Variants in VEZT observed in about 807,000 individuals in gnomAD.
VEZT encodes the protein vezatin.
VEZT carries 39 observed loss-of-function variants against 79.9 expected under a neutral mutation model. That is an observed-to-expected ratio of 0.49 (90% confidence interval 0.38 to 0.64). The LOEUF is 0.64. Ranked by LOEUF, VEZT falls within the 30% of genes least tolerant of loss-of-function variation. The probability of loss-of-function intolerance (pLI) is 0.00; values close to 1 mark genes in which losing one functional copy is unlikely to be tolerated. For synonymous variants in VEZT, 325 were observed against 327.6 expected, an observed-to-expected ratio of 0.99 and a Z score of 0.09; for missense variants, 837 against 893.1, an observed-to-expected ratio of 0.94 and a Z score of 0.80.
In VEZT at chr12:95,296,190, C is replaced by T. The variant is rs1315217097; in HGVS notation, c.1763C>T (p.Ser588Phe). ...ESKRVLQELK[S>F]VLGFKASEAE... ...AAGAGGGTGCTCCAAGAATTAAAAT[C>T]TGTGCTGGGATTTAAAGCTTCAGAG... Residue 588 changes from serine to phenylalanine, a missense_variant, in exon 11 of 12, where the codon TCT becomes TTT. Physicochemically the swap from Ser to Phe is radical, Grantham distance 155. Coordinates refer to ENST00000436874, the MANE Select transcript of VEZT (RefSeq NM_017599.4). 1.9e-6 allele frequency: 3 copies of T among 1,585,660 alleles called. No homozygotes were observed. The highest frequency in any genetic ancestry group is 2.3e-5 in the South Asian group (2 of 86,502).
intron 1 of VEZT, among the ~76,000 whole-genome samples, chr12:95,249,628 A>C (rs1000468950): frequency 6.6e-5 from 10 of 152,226 alleles, no homozygotes; most frequent in Non-Finnish European, 1.2e-4. Flanking sequence ...CTACCAGTCC[A>C]GCAGATTCCC....
In VEZT at chr12:95,300,600, A is replaced by G. The variant is rs1566370873; in HGVS notation, c.2267A>G (p.Gln756Arg). The G allele has an allele frequency of 6.2e-7, 1 of 1,612,924 alleles. No individual in the cohort carries two copies. Among genetic ancestry groups the G allele is most frequent in the East Asian group, 2.2e-5 (1 of 44,860 alleles). ...AGATCTCTCTCCTTTACCACCATGC[A>G]GGAACAGACTTTTGGTGGTGAGGAG... ...AARSLSFTTMQEQTFGGEEEE... is the reference protein window; with the variant it reads ...AARSLSFTTMREQTFGGEEEE... Residue 756 changes from glutamine (Q) to arginine (R), a missense_variant, in exon 12 of 12, where the codon CAG (glutamine) becomes CGG (arginine). Gln to Arg is a conservative substitution (Grantham distance 43, BLOSUM62 1). Coordinates refer to ENST00000436874, the MANE Select transcript of VEZT (RefSeq NM_017599.4).
intron 1 of VEZT, among the ~76,000 whole-genome samples, chr12:95,248,187 A>G (rs529268080): frequency 2.6e-5 from 4 of 152,338 alleles, no homozygotes. Context: ...GGTGTGCCAC[A>G]CCTTTAACAA....
rs769277815 is a variant in VEZT, at chr12:95,287,713, A to G, written c.1378A>G (p.Thr460Ala). Residue 460 changes from threonine (T) to alanine (A), a missense_variant, in exon 9 of 12, where the codon ACA becomes GCA. By Grantham distance (58) the Thr-to-Ala change is moderately conservative (BLOSUM62 0). Transcript: ENST00000436874. ...ELEKLVCTKE[T>A]QELVSEAYPI... ...TGAAAAGCTTGTTTGTACTAAAGAA[A>G]CACAAGAACTAGTGTCAGAGGCTTA... is the stretch of plus-strand genomic sequence containing the variant. 2.5e-6 allele frequency: 4 copies of G among 1,594,760 alleles called. No homozygotes were observed. The highest frequency in any genetic ancestry group is 3.5e-5 in the Admixed American group (2 of 57,544).
intron 1 of VEZT, chr12:95,244,065 A>G (rs920109427): frequency 3.3e-5 from 14 of 427,220 alleles, no homozygotes; most frequent in Non-Finnish European, 5.5e-5. Flanking sequence ...ATAGCAACAC[A>G]AAACAGACTA....
intron 1 of VEZT, among the ~76,000 whole-genome samples, chr12:95,228,650 A>G (rs939810382): frequency 6.6e-6 from 1 of 152,182 alleles, no homozygotes. Context: ...TATAATAGGA[A>G]TAATATTTAT....
At chr12:95,218,187 G>C (rs1469612043) in intron 1 of VEZT, 3 of 279,298 alleles carry the variant, frequency 1.1e-5, no homozygotes, top group African/African-American at 2.2e-5. Context: ...TGTGCGGCGG[G>C]GGGGACTGCG....
At chr12:95,253,724 TATAA>T (rs1482309293) in intron 2 of VEZT, among the ~76,000 whole-genome samples, 1 of 152,220 alleles carries the variant, frequency 6.6e-6, no homozygotes, top group Non-Finnish European at 1.5e-5. Context: ...GTTGCTAGTT[TATAA>T]ATAAGTCAAG....
intron 9 of VEZT, among the ~76,000 whole-genome samples, chr12:95,290,138 T>C (rs1390062488): frequency 6.6e-6 from 1 of 152,210 alleles, no homozygotes; most frequent in Non-Finnish European, 1.5e-5. Context: ...TGTCTAGACC[T>C]AGATTGTGCA....
intron 1 of VEZT, chr12:95,243,952 C>T (rs1478153424): frequency 2.2e-6 from 1 of 456,088 alleles, no homozygotes; most frequent in Non-Finnish European, 4.4e-6. Context: ...CAGCAGAGCC[C>T]TTGCTAGAAG....
intron 1 of VEZT, among the ~76,000 whole-genome samples, chr12:95,234,911 C>T (rs886783008): frequency 1.3e-5 from 2 of 150,570 alleles, no homozygotes; most frequent in Non-Finnish European, 3.0e-5. Flanking sequence ...CATCTTGCAC[C>T]GCCCTTAATC....
intron 6 of VEZT, among the ~76,000 whole-genome samples, chr12:95,270,476 TA>T (rs1010076050): frequency 1.3e-5 from 2 of 152,228 alleles, no homozygotes; most frequent in African/African-American, 4.8e-5. Flanking sequence ...CTGGCTTTGC[TA>T]GGTCTGACAT....
chr12:95,287,533 G>T (rs1024977517), intron 8 of VEZT, 131 bp from the exon 9 acceptor site: 2 of 789,372 alleles, frequency 2.5e-6, no homozygotes, highest in Non-Finnish European at 3.7e-6. Context: ...GAACTCCTGA[G>T]CTCAAGCCAT....
intron 1 of VEZT, chr12:95,231,271 C>T (rs761140569): frequency 2.0e-5 from 3 of 152,120 alleles, no homozygotes; most frequent in Non-Finnish European, 4.4e-5. Flanking sequence ...TTTAAAACTC[C>T]AGTATTCCTA....
chr12:95,280,218 C>G (rs2068698799), intron 7 of VEZT, among the ~76,000 whole-genome samples: 2 of 152,142 alleles, frequency 1.3e-5, no homozygotes, highest in South Asian at 4.1e-4. Context: ...TGCTTCTGCT[C>G]AGAACCCTTC....
chr12:95,289,899 T>C (rs2072274669), intron 9 of VEZT, among the ~76,000 whole-genome samples: 1 of 152,246 alleles, frequency 6.6e-6, no homozygotes, highest in East Asian at 1.9e-4. Context: ...TCTGTATGTG[T>C]GTGTAATTCT....
chr12:95,292,647 C>T (rs1372366635), intron 9 of VEZT, among the ~76,000 whole-genome samples: 1 of 150,776 alleles, frequency 6.6e-6, no homozygotes. Context: ...CTCCCAAGTT[C>T]AAGCAATTCT....
intron 1 of VEZT, among the ~76,000 whole-genome samples, chr12:95,234,351 G>A (rs1320358502): frequency 2.0e-5 from 3 of 147,792 alleles, no homozygotes; most frequent in African/African-American, 5.0e-5. Flanking sequence ...GCAATGGCGC[G>A]ATCTGGGCTC....
At chr12:95,239,235 AAACT>A (rs546465973) in intron 1 of VEZT, among the ~76,000 whole-genome samples, 338 of 152,336 alleles carry the variant, frequency 2.2e-3, no homozygotes, top group Non-Finnish European at 3.8e-3. Context: ...ACAAAAAAAC[AAACT>A]GAGGTTGAGC....
Sources: gnomAD v4.1 joint callset for allele counts (sites outside exome capture counted in the v4.1 genomes callset) on GRCh38, gnomAD v4.1.1 for gene constraint, MANE v1.5 for transcripts, NCBI Gene and HGNC (gene_info 2026-07-23, HGNC 2026-07-21) for gene names.